The following DDI2 variants were observed in gnomAD, a reference collection of about 807,000 sequenced individuals.
DDI2 encodes protein DDI1 homolog 2.
DDI2 carries 5 observed loss-of-function variants against 48.1 expected under a neutral mutation model. That is an observed-to-expected ratio of 0.10 (90% CI 0.05 to 0.22). DDI2 has a LOEUF of 0.22. Ranked by LOEUF, DDI2 falls within the 10% of genes least tolerant of loss-of-function variation. DDI2 has a pLI of 1.00. For missense variants in DDI2, 285 were observed against 506.2 expected, an observed-to-expected ratio of 0.56 and a Z score of 4.19; for synonymous variants, 205 against 183.6, an observed-to-expected ratio of 1.12 and a Z score of -0.94.
Position 15,660,515 on chromosome 1 carries a change from T to G in DDI2, c.*725T>G. The G allele has an allele frequency of 6.2e-7, 1 of 1,613,564 alleles. No homozygotes were observed. ...AAAATTGTTGATTTGGAAGCTACGA[T>G]GAAAGGAAATGGGCTCCCACAGAAT... On this transcript the variant is annotated 3_prime_UTR_variant, in exon 10 of 10. Transcript: ENST00000480945.
At chr1:15,654,244 AC>A (rs927227986) in intron 8 of DDI2, among the ~76,000 whole-genome samples, 1 of 152,176 alleles carries the variant, frequency 6.6e-6, no homozygotes, top group African/African-American at 2.4e-5. Flanking sequence ...TTACTGGAGA[AC>A]ATTCAGATGT....
chr1:15,656,807 C>A, intron 9 of DDI2, 128 bp downstream of exon 9: 1 of 1,306,092 alleles, frequency 7.7e-7, no homozygotes, highest in Non-Finnish European at 1.1e-6. Context: ...CTGGTTACAA[C>A]TAGCCTATAT....
At position 15,660,941 on chromosome 1, in the gene DDI2, A is replaced by C. The variant is rs764746530; in HGVS notation, c.*1151A>C. The stretch of plus-strand genomic sequence containing the variant: ...CCGTCTATAACGGCAGCCTTGAAAG[A>C]ACTTCATGAACTTTTGGTTGTTAGC... On this transcript the variant is annotated 3_prime_UTR_variant, in exon 10 of 10. Coordinates refer to ENST00000480945, the MANE Select transcript of DDI2 (RefSeq NM_032341.5). 6.2e-7 allele frequency: 1 copy of C among 1,613,168 alleles called. No homozygotes were observed. The highest frequency in any genetic ancestry group is 1.7e-5 in the Admixed American group (1 of 59,784).
Position 15,661,380 on chromosome 1 carries a change from C to T in DDI2, c.*1590C>T. On this transcript the variant is annotated 3_prime_UTR_variant, in exon 10 of 10. Coordinates refer to ENST00000480945, the MANE Select transcript of DDI2 (RefSeq NM_032341.5). ...TTTTAGCAGGTGAGGAGGATGCACT[C>T]AATCAGACTTCTGAGCAAACTAAGT... The T allele has an allele frequency of 1.2e-6, 2 of 1,614,146 alleles. No homozygotes were observed. Among genetic ancestry groups the T allele is most frequent in the Non-Finnish European group, 1.7e-6 (2 of 1,180,030 alleles).
chr1:15,628,175 T>G (rs1036824140), intron 2 of DDI2, among the ~76,000 whole-genome samples: 1 of 152,148 alleles, frequency 6.6e-6, no homozygotes, highest in Non-Finnish European at 1.5e-5. Context: ...CTGAAGTGAA[T>G]GGACTCTCAA....
intron 5 of DDI2, 32 bp downstream of exon 5, chr1:15,638,466 C>T: frequency 6.2e-7 from 1 of 1,610,794 alleles, no homozygotes; most frequent in Non-Finnish European, 8.5e-7. Context: ...TCTTGGTCTC[C>T]CCTCCAACAT....
At chr1:15,644,633 G>T (rs1369460615) in intron 6 of DDI2, among the ~76,000 whole-genome samples, 19 of 113,496 alleles carry the variant, frequency 1.7e-4, no homozygotes, top group Non-Finnish European at 2.9e-4. Flanking sequence ...TCACTCTGTC[G>T]CCCAGGCTGG....
chr1:15,651,970 T>C, intron 8 of DDI2, 75 bp downstream of exon 8: 1 of 1,436,510 alleles, frequency 7.0e-7, no homozygotes, highest in South Asian at 1.6e-5. Flanking sequence ...TCAGAAGGGG[T>C]AGGAACCTTT....
In DDI2 at chr1:15,667,846, T is replaced by C. The variant is rs1445469750; in HGVS notation, c.*8056T>C. 6.6e-6 allele frequency: 1 copy of C among 152,176 alleles called. No homozygotes were observed. The highest frequency in any genetic ancestry group is 1.5e-5 in the Non-Finnish European group (1 of 68,042). The allele number at this position is 152,176 out of a possible 1,614,324, so 9.4% of individuals were successfully genotyped here. On this transcript the variant is annotated 3_prime_UTR_variant, in exon 10 of 10. Transcript: ENST00000480945. ...TTGATGATTGGTAATCTAGACCCTC[T>C]GGAGGCTGTAGAATGTGAAAAGATA...
Position 15,626,798 on chromosome 1 carries a change from A to T in DDI2, c.268A>T (p.Asn90Tyr), listed in dbSNP as rs942711022. Reference protein sequence around the residue: ...ADPRPPVQFPNLPRIDFSSIA... With the variant: ...ADPRPPVQFPYLPRIDFSSIA... ...CCCTCGACCTCCAGTGCAGTTCCCA[A>T]GTAAGACATCTGGTGGTTGAGCATC... The change falls in exon 2 of 10, where the codon AAC (asparagine) becomes TAC (tyrosine). Residue 90 changes from asparagine (N) to tyrosine (Y), a missense_variant and splice_region_variant. By Grantham distance (143) the Asn-to-Tyr change is moderately radical. This residue lies in a region of DDI2 where 149 missense variants were observed against 236.5 expected (regional missense o/e 0.63). Coordinates refer to ENST00000480945, the MANE Select transcript of DDI2 (RefSeq NM_032341.5). 6.2e-7 allele frequency: 1 copy of T among 1,614,168 alleles called. No homozygotes were observed. Among genetic ancestry groups the T allele is most frequent in the East Asian group, 2.2e-5 (1 of 44,892 alleles).
chr1:15,644,173 C>T (rs967469938), intron 6 of DDI2, among the ~76,000 whole-genome samples: 5 of 152,196 alleles, frequency 3.3e-5, no homozygotes, highest in Admixed American at 1.3e-4. Context: ...CTCTACATTT[C>T]ATCCTATCAA....
intron 8 of DDI2, among the ~76,000 whole-genome samples, chr1:15,654,300 T>G (rs1287479764): frequency 6.6e-6 from 1 of 152,156 alleles, no homozygotes; most frequent in Non-Finnish European, 1.5e-5. Context: ...GATGGAGTTT[T>G]CCAGGTTGAC....
rs1457123395 is a variant in DDI2, at chr1:15,663,802, T to C, written c.*4012T>C. 2.2e-5 allele frequency: 3 copies of C among 134,192 alleles called. No homozygotes were observed. The highest frequency in any genetic ancestry group is 8.3e-5 in the African/African-American group (3 of 36,128). 8.3% of individuals were successfully genotyped at this position (134,192 alleles called of 1,614,324 possible). On this transcript the variant is annotated 3_prime_UTR_variant, in exon 10 of 10. Coordinates refer to ENST00000480945, the MANE Select transcript of DDI2 (RefSeq NM_032341.5). ...CTTTGGAACCACGGGGTGGGAAGGGTGGGGGAACTTACTGATGACAATAGA... is the reference window on the plus strand; with the variant it reads ...CTTTGGAACCACGGGGTGGGAAGGGCGGGGGAACTTACTGATGACAATAGA...
rs543286740 is a variant in DDI2, at chr1:15,656,256, A to G, written c.1184-361A>G. Among the ~76,000 whole-genome samples the G allele has an allele frequency of 9.8e-5, 15 of 152,346 alleles. 1 individual carries two copies. In the South Asian group the frequency reaches 2.9e-3, roughly 29 times the overall value. On this transcript the variant is annotated intron_variant, in intron 8 of 9. Transcript: ENST00000480945. ...GAAAGAAATTTGGAAAGGGACTGTT[A>G]GATATGTTCACTCACCTTTACTCCA...
intron 1 of DDI2, among the ~76,000 whole-genome samples, chr1:15,618,979 C>T (rs1639610321): frequency 1.3e-5 from 2 of 152,178 alleles, no homozygotes; most frequent in Non-Finnish European, 2.9e-5. Context: ...AACTTTAGAA[C>T]CTTGGCATAA....
rs1442545986 is a variant in DDI2, at chr1:15,660,973, C to A, written c.*1183C>A. ...TGAACTTTTGGTTGTTAGCAGTAAACCAGCTTCAGAAAATACATCTGAAGA... is the reference window on the plus strand; with the variant it reads ...TGAACTTTTGGTTGTTAGCAGTAAAACAGCTTCAGAAAATACATCTGAAGA... On this transcript the variant is annotated 3_prime_UTR_variant, in exon 10 of 10. Coordinates refer to ENST00000480945, the MANE Select transcript of DDI2 (RefSeq NM_032341.5). 6.2e-7 allele frequency: 1 copy of A among 1,613,778 alleles called. No individual in the cohort carries two copies. Among genetic ancestry groups the A allele is most frequent in the Non-Finnish European group, 8.5e-7 (1 of 1,179,894 alleles).
Position 15,662,624 on chromosome 1 carries a change from G to A in DDI2, c.*2834G>A, listed in dbSNP as rs368951763. 5.9e-5 allele frequency: 9 copies of A among 152,318 alleles called. No homozygotes were observed. Among genetic ancestry groups the A allele is most frequent in the African/African-American group, 1.9e-4 (8 of 41,570 alleles). 9.4% of individuals were successfully genotyped at this position (152,318 alleles called of 1,614,324 possible). ...CCTCAACCCTTAATGACTAATGGTG[G>A]AATTAAGTTCAGGAATGGATTCATT... On this transcript the variant is annotated 3_prime_UTR_variant, in exon 10 of 10. Transcript: ENST00000480945.
chr1:15,640,447 C>T (rs1410445761), intron 5 of DDI2, among the ~76,000 whole-genome samples: 4 of 152,302 alleles, frequency 2.6e-5, no homozygotes, highest in East Asian at 3.9e-4. Context: ...ATACAGAGTT[C>T]GTGAGTGGTG....
chr1:15,651,345 G>A (rs1366350039), intron 7 of DDI2, among the ~76,000 whole-genome samples: 1 of 152,134 alleles, frequency 6.6e-6, no homozygotes, highest in Non-Finnish European at 1.5e-5. Flanking sequence ...CATTAGCATG[G>A]AGTAAAGAAT....
Sources: gnomAD v4.1 joint callset for allele counts (sites outside exome capture counted in the v4.1 genomes callset) on GRCh38, gnomAD v4.1.1 for gene constraint, gnomAD v4.1.1 regional missense constraint, MANE v1.5 for transcripts, NCBI Gene and HGNC (gene_info 2026-07-23, HGNC 2026-07-21) for gene names.